The following ATP2C2 variants were observed in gnomAD, a reference collection of about 807,000 sequenced individuals.
The protein encoded by ATP2C2 is ATPase secretory pathway Ca2+ transporting 2.
A neutral mutation model predicts 110.8 loss-of-function variants in ATP2C2; 171 were observed. The ratio of observed to expected loss-of-function variants is 1.54; its 90% CI spans 1.36 to 1.75. ATP2C2 has a LOEUF of 1.75. Ranked by LOEUF, ATP2C2 falls within the 40% of genes most tolerant of loss-of-function variation. ATP2C2 has a pLI of 0.00. For synonymous variants in ATP2C2, 804 were observed against 508.4 expected (o/e 1.58, Z -7.82); for missense variants, 1,963 against 1,235.0 (o/e 1.59, Z -8.84).
rs373412985 is a variant in ATP2C2 at position 84,460,682 on chromosome 16, G to T, written c.2362G>T (p.Ala788Ser). 6 of 1,614,092 alleles carry T rather than the reference G, an allele frequency of 3.7e-6. No individual in the cohort carries two copies. Among genetic ancestry groups the T allele is most frequent in the Middle Eastern group, 3.3e-4 (2 of 6,082 alleles). Residue 788 changes from alanine (A) to serine (S), a missense_variant, in exon 24 of 27, where the codon GCC becomes TCC. By Grantham distance (99) the Ala-to-Ser change is moderately conservative. Coordinates refer to ENST00000262429, the MANE Select transcript of ATP2C2 (RefSeq NM_014861.4). ...GGGGGTAGAGCCCGTTGACAAAGAC[G>T]CCTTCAGGCAGCCACCACGGAGTGT... ...SLGVEPVDKD[A>S]FRQPPRSVRD...
chr16:84,450,629 A>G (rs145658429), intron 17 of ATP2C2, among the ~76,000 whole-genome samples: 2 of 152,240 alleles, frequency 1.3e-5, no homozygotes, highest in African/African-American at 2.4e-5. Flanking sequence ...GCGCAGTGTC[A>G]TGACTGTGTA....
At chr16:84,406,483 G>T (rs923265795) in intron 3 of ATP2C2, 5 of 624,970 alleles carry the variant, frequency 8.0e-6, no homozygotes, top group African/African-American at 2.0e-5. Flanking sequence ...TATTGGCTCT[G>T]TGTTTACAGC....
intron 1 of ATP2C2, among the ~76,000 whole-genome samples, chr16:84,385,306 C>T (rs1222785600): frequency 3.3e-5 from 5 of 152,126 alleles, no homozygotes; most frequent in East Asian, 1.9e-4. Context: ...AACTCACATT[C>T]GCGAGGACAG....
chr16:84,451,856 C>T (rs371406543), intron 17 of ATP2C2, 65 bp from the exon 18 acceptor site: 4 of 1,477,094 alleles, frequency 2.7e-6, no homozygotes, highest in East Asian at 2.3e-5. Context: ...CAACAACAAC[C>T]AACAACAAAA....
Position 84,415,553 on chromosome 16 carries a change from A to T in ATP2C2, c.586A>T (p.Ile196Phe). The T allele has an allele frequency of 6.2e-7, 1 of 1,614,102 alleles. No homozygotes were observed. Among genetic ancestry groups the T allele is most frequent in the Middle Eastern group, 1.6e-4 (1 of 6,062 alleles). Residue 196 changes from isoleucine to phenylalanine, a missense_variant, in exon 7 of 27, where the codon ATC (isoleucine) becomes TTC (phenylalanine). Ile to Phe is a conservative substitution (Grantham distance 21). Coordinates refer to ENST00000262429, the MANE Select transcript of ATP2C2 (RefSeq NM_014861.4). ...TCCTGGTGATGTCGTATCTCTCTCG[A>T]TCGGAGACCGGATCCCTGCAGACAT... Reference protein sequence around the residue: ...LVPGDVVSLSIGDRIPADIRL... With the variant: ...LVPGDVVSLSFGDRIPADIRL...
chr16:84,453,574 C>G (rs1910518293), intron 20 of ATP2C2, among the ~76,000 whole-genome samples: 1 of 152,174 alleles, frequency 6.6e-6, no homozygotes, highest in Admixed American at 6.5e-5. Flanking sequence ...GTGGGCAGCT[C>G]CCTTGGAGAG....
chr16:84,413,222 G>A (rs573773911), intron 6 of ATP2C2, among the ~76,000 whole-genome samples: 1 of 152,216 alleles, frequency 6.6e-6, no homozygotes, highest in South Asian at 2.1e-4. Context: ...ATTTTCTGAA[G>A]GATAATTTTC....
chr16:84,397,413 A>G (rs1019885418), intron 1 of ATP2C2, among the ~76,000 whole-genome samples: 1 of 151,754 alleles, frequency 6.6e-6, no homozygotes, highest in Non-Finnish European at 1.5e-5. Context: ...TCAGGATTCT[A>G]CATATGTATA....
intron 1 of ATP2C2, among the ~76,000 whole-genome samples, chr16:84,387,250 G>C (rs116428863): frequency 6.6e-6 from 1 of 152,154 alleles, no homozygotes; most frequent in Non-Finnish European, 1.5e-5. Context: ...GGCCAGGTGC[G>C]GTGGCTCGTG....
At chr16:84,460,908 C>T in intron 24 of ATP2C2, 107 bp downstream of exon 24, 3 of 1,395,834 alleles carry the variant, frequency 2.1e-6, no homozygotes, top group East Asian at 2.3e-5. Flanking sequence ...GAGAGGCAAA[C>T]ATGTACACAC....
chr16:84,413,200 C>T (rs958333632), intron 6 of ATP2C2, among the ~76,000 whole-genome samples: 4 of 151,868 alleles, frequency 2.6e-5, no homozygotes, highest in Non-Finnish European at 4.4e-5. Flanking sequence ...GGCAAACATA[C>T]GGCAACTCCG....
At chr16:84,371,023 A>T (rs1223187094) in intron 1 of ATP2C2, among the ~76,000 whole-genome samples, 1 of 152,196 alleles carries the variant, frequency 6.6e-6, no homozygotes, top group African/African-American at 2.4e-5. Flanking sequence ...ACAGATGTGT[A>T]CAAAACAAAG....
At chr16:84,428,688 C>A (rs149843775) in intron 11 of ATP2C2, among the ~76,000 whole-genome samples, 2 of 152,204 alleles carry the variant, frequency 1.3e-5, no homozygotes, top group Admixed American at 1.3e-4. Context: ...ATAATAAGTT[C>A]ATCTCTTCCC....
At chr16:84,379,662 G>A (rs1341217039) in intron 1 of ATP2C2, among the ~76,000 whole-genome samples, 1 of 152,190 alleles carries the variant, frequency 6.6e-6, no homozygotes, top group African/African-American at 2.4e-5. Flanking sequence ...TGGAGTTTGA[G>A]TACTGCTGCT....
At chr16:84,461,001 G>A (rs1012536283) in intron 24 of ATP2C2, 200 bp downstream of exon 24, 3 of 723,344 alleles carry the variant, frequency 4.1e-6, no homozygotes, top group Non-Finnish European at 6.4e-6. Context: ...GAGGTCGCCA[G>A]GTGTGTGCCT....
chr16:84,455,013 T>C lies in ATP2C2; in HGVS notation c.2147+29T>C, dbSNP rs773831345. On this transcript the variant is annotated intron_variant, in intron 21 of 26. Transcript: ENST00000262429. ...AGCTGCCCTTCTGGTTGTTTTTCAGTTGCAAAAATGCCTGGGGTCACCAGC... is the reference window on the plus strand; with the variant it reads ...AGCTGCCCTTCTGGTTGTTTTTCAGCTGCAAAAATGCCTGGGGTCACCAGC... The C allele has an allele frequency of 1.9e-6, 3 of 1,577,610 alleles. No individual in the cohort carries two copies. In the African/African-American group the frequency reaches 4.1e-5, roughly 21 times the overall value.
chr16:84,424,180 C>A (rs1907597993), intron 10 of ATP2C2, among the ~76,000 whole-genome samples: 2 of 152,218 alleles, frequency 1.3e-5, no homozygotes, highest in South Asian at 4.1e-4. Context: ...AGCCAGAGAA[C>A]AGTCTTGAGA....
At chr16:84,426,210 A>C (rs1310677254) in intron 11 of ATP2C2, among the ~76,000 whole-genome samples, 1 of 152,100 alleles carries the variant, frequency 6.6e-6, no homozygotes, top group Non-Finnish European at 1.5e-5. Flanking sequence ...GGGAGCAGGC[A>C]TGTCACATGG....
Position 84,454,670 on chromosome 16 carries a change from T to C in ATP2C2, c.1981-148T>C, listed in dbSNP as rs1433684066. 5 of 806,828 alleles carry C rather than the reference T, an allele frequency of 6.2e-6. No individual in the cohort carries two copies. The African/African-American group carries it at 8.9e-5, about 14-fold the overall frequency. The allele number at this position is 806,828 out of a possible 1,614,324, so 50.0% of individuals were successfully genotyped here. ...TCAAGAGGGTCAAGGGCTCGCCCAATTCCCACAGCTAATGTGGGTGAAGCT... is the reference window on the plus strand; with the variant it reads ...TCAAGAGGGTCAAGGGCTCGCCCAACTCCCACAGCTAATGTGGGTGAAGCT... On this transcript the variant is annotated intron_variant, in intron 20 of 26. Transcript: ENST00000262429.
Sources: gnomAD v4.1 joint callset for allele counts (sites outside exome capture counted in the v4.1 genomes callset) on GRCh38, gnomAD v4.1.1 for gene constraint, MANE v1.5 for transcripts, NCBI Gene and HGNC (gene_info 2026-07-23, HGNC 2026-07-21) for gene names.